GCN1: variants seen among roughly 807,000 people sequenced by gnomAD.
GCN1 encodes the protein stalled ribosome sensor GCN1.
In GCN1, 90 loss-of-function variants were observed where a neutral mutation model predicts 288.4. The ratio of observed to expected loss-of-function variants is 0.31; its 90% CI spans 0.26 to 0.37. The LOEUF (loss-of-function observed/expected upper bound fraction) is 0.37. Among genes scored for constraint, GCN1 ranks in the 10% least tolerant of loss-of-function variants. GCN1 has a pLI of 1.00. For synonymous variants in GCN1, 1,386 were observed against 1,420.2 expected, an observed-to-expected ratio of 0.98 and a Z score of 0.54; for missense variants, 2,586 against 3,419.9, an observed-to-expected ratio of 0.76 and a Z score of 6.08.
chr12:120,184,706 G>T, intron 3 of GCN1, 118 bp downstream of exon 3: 1 of 765,366 alleles, frequency 1.3e-6, no homozygotes, highest in Admixed American at 1.8e-5. Context: ...TGGCTAGGAT[G>T]TGACATAGCC....
chr12:120,174,329 C>T (rs2064203824), intron 12 of GCN1, among the ~76,000 whole-genome samples, 160 bp from the exon 13 acceptor site: 1 of 152,180 alleles, frequency 6.6e-6, no homozygotes, highest in South Asian at 2.1e-4. Context: ...TCAATGCCCC[C>T]TCTACACCTC....
Position 120,158,058 on chromosome 12 carries a change from C to G in GCN1, c.2906-28G>C. On this transcript the variant is annotated intron_variant, in intron 25 of 57. Transcript: ENST00000300648. The surrounding 1 kb of genome is among the most constrained non-coding windows in gnomAD (Gnocchi z 4.3). Reference sequence around the variant, plus strand: ...GTGAGAGCGAGAAGCAGATAAGATTCTGCAGGCAGGGCAGGGACCCGGGCC... The same window carrying G: ...GTGAGAGCGAGAAGCAGATAAGATTGTGCAGGCAGGGCAGGGACCCGGGCC... The G allele has an allele frequency of 1.2e-6, 2 of 1,609,772 alleles. No individual in the cohort carries two copies. The highest frequency in any genetic ancestry group is 1.7e-6 in the Non-Finnish European group (2 of 1,177,140).
At chr12:120,182,094 A>T (rs1878683147) in intron 5 of GCN1, among the ~76,000 whole-genome samples, 1 of 151,686 alleles carries the variant, frequency 6.6e-6, no homozygotes, top group Non-Finnish European at 1.5e-5. Context: ...GGTTGCAGTG[A>T]GCCGAGATTG....
At chr12:120,171,002 G>A (rs902570741) in intron 14 of GCN1, among the ~76,000 whole-genome samples, 1 of 151,768 alleles carries the variant, frequency 6.6e-6, no homozygotes, top group South Asian at 2.1e-4. Flanking sequence ...TTAGCCGGGT[G>A]GGGTGGTGCA....
Position 120,148,248 on chromosome 12 carries a change from C to T in GCN1, c.4645G>A (p.Asp1549Asn), listed in dbSNP as rs1256823096. 2 of 1,613,954 alleles carry T rather than the reference C, an allele frequency of 1.2e-6. No homozygotes were observed. The highest frequency in any genetic ancestry group is 2.2e-5 in the East Asian group (1 of 44,880). The change falls in exon 37 of 58, where the codon GAC becomes AAC. Residue 1549 changes from aspartate to asparagine, a missense_variant. Transcript: ENST00000300648. The part of the protein sequence containing the change: ...IVPKLTEVLT[D>N]SHVKVQKAGQ... ...GCCTTCTGGACTTTGACATGGGAGT[C>T]GGTCAGCACCTCCGTAAGCTTGGGC... is the stretch of plus-strand genomic sequence containing the variant.
At chr12:120,185,632 A>C (rs1271677504) in intron 2 of GCN1, among the ~76,000 whole-genome samples, 1 of 151,914 alleles carries the variant, frequency 6.6e-6, no homozygotes, top group African/African-American at 2.4e-5. Context: ...ACGGAGTCTC[A>C]CTCTATCGCC....
intron 57 of GCN1, among the ~76,000 whole-genome samples, chr12:120,128,422 G>A (rs1014571867): frequency 6.6e-6 from 1 of 151,318 alleles, no homozygotes; most frequent in Non-Finnish European, 1.5e-5. Flanking sequence ...CACAACCTCC[G>A]CCTCCCAGGT....
Position 120,138,707 on chromosome 12 carries a change from TA to T in GCN1, c.6143del (p.Leu2048TyrfsTer2). On this transcript the variant is annotated frameshift_variant, in exon 46 of 58. Coordinates refer to ENST00000300648, the MANE Select transcript of GCN1 (RefSeq NM_006836.2). LOFTEE classifies it high-confidence loss of function. ...HQALEDILPFLLKQLDDEEVS... is the reference protein window; with the variant it reads ...HQALEDILPFXLKQLDDEEVS... ...TAGATCCACTCACCAGCTGCTTTAG[TA>T]AAAATGGGAGAATGTCCTCCAGAGC... The T allele has an allele frequency of 6.2e-7, 1 of 1,613,640 alleles. No homozygotes were observed. Among genetic ancestry groups the T allele is most frequent in the Non-Finnish European group, 8.5e-7 (1 of 1,179,716 alleles).
chr12:120,182,673 C>T (rs1013225522), intron 5 of GCN1, among the ~76,000 whole-genome samples: 2 of 152,198 alleles, frequency 1.3e-5, no homozygotes, highest in African/African-American at 4.8e-5. Flanking sequence ...CAAAGTGGCT[C>T]ACACCTATAA....
chr12:120,159,894 C>T lies in GCN1; in HGVS notation c.2680G>A (p.Ala894Thr). 1 of 1,614,164 alleles carries T rather than the reference C, an allele frequency of 6.2e-7. No individual in the cohort carries two copies. Among genetic ancestry groups the T allele is most frequent in the East Asian group, 2.2e-5 (1 of 44,872 alleles). ...AAGAAGGGGTTCTTGATCCTGGGAG[C>T]AGCCAGGGGAGACTTCAGCAAGGGC... ...FLPLLKSPLAAPRIKNPFLSL... is the reference protein window; with the variant it reads ...FLPLLKSPLATPRIKNPFLSL... The change falls in exon 24 of 58, where the codon GCT becomes ACT. Residue 894 changes from alanine to threonine, a missense_variant. Around this residue, in one of 8 missense-constraint regions of GCN1, gnomAD observed 913 missense variants for 1,107.0 expected, o/e 0.82. Transcript: ENST00000300648.
intron 18 of GCN1, 83 bp from the exon 19 acceptor site, chr12:120,163,342 C>T (rs1441826645): frequency 3.6e-5 from 40 of 1,099,682 alleles, no homozygotes; most frequent in South Asian, 3.4e-4. Flanking sequence ...ACGGACACAG[C>T]GGCCCCTCAC....
rs1454340296 is a variant in GCN1 at position 120,165,048 on chromosome 12, TA to T, written c.1613-328del. On this transcript the variant is annotated intron_variant, in intron 16 of 57. Transcript: ENST00000300648. ...ACACACACACACACATATATATATA[TA>T]TATTTTTTTTTTTGAGAGACAGTCA... 1.1e-3 allele frequency among the ~76,000 whole-genome samples: 155 copies of T among 146,052 alleles called. 1 individual carries two copies. The highest frequency in any genetic ancestry group is 5.4e-3 in the East Asian group (26 of 4,820).
chr12:120,158,156 C>A lies in GCN1; in HGVS notation c.2906-126G>T. The A allele has an allele frequency of 1.1e-6, 1 of 877,034 alleles. No individual in the cohort carries two copies. Among genetic ancestry groups the A allele is most frequent in the African/African-American group, 1.7e-5 (1 of 59,542 alleles). 54.3% of individuals were successfully genotyped at this position (877,034 alleles called of 1,614,324 possible). On this transcript the variant is annotated intron_variant, in intron 25 of 57. Coordinates refer to ENST00000300648, the MANE Select transcript of GCN1 (RefSeq NM_006836.2). The surrounding 1 kb of genome is among the most constrained non-coding windows in gnomAD (Gnocchi z 4.3). The stretch of plus-strand genomic sequence containing the variant: ...AGAGGCCCGTTCTGACACCTGGAAG[C>A]ACATGGCACGAGGACAGAGACAGCA...
At chr12:120,190,239 A>G (rs550568056) in intron 2 of GCN1, 59 bp downstream of exon 2, 235 of 957,040 alleles carry the variant, frequency 2.5e-4, no homozygotes, top group African/African-American at 6.4e-4. Flanking sequence ...AAAAAAAAAA[A>G]AAAGAAAGAA....
At chr12:120,190,547 C>G (rs957301598) in intron 1 of GCN1, 147 bp from the exon 2 acceptor site, 1 of 614,520 alleles carries the variant, frequency 1.6e-6, no homozygotes, top group African/African-American at 1.9e-5. Flanking sequence ...CCGGGTAATT[C>G]TGGTTGTGGG....
intron 16 of GCN1, among the ~76,000 whole-genome samples, chr12:120,166,420 A>T (rs564112746): frequency 7.9e-4 from 112 of 141,026 alleles, no homozygotes; most frequent in African/African-American, 2.9e-3. Context: ...AAAAAAAAAA[A>T]AATGCCTGAT....
At position 120,144,810 on chromosome 12, in the gene GCN1, C is replaced by T. The variant is rs60836763; in HGVS notation, c.5181G>A (p.Leu1727=). The T allele has an allele frequency of 1.5e-3, 2,441 of 1,614,204 alleles. 45 individuals carry two copies. The African/African-American group carries it at 0.029, about 19-fold the overall frequency. ...AQGLAEVMAG[L]GVEKLEKLMP... is the part of the protein sequence containing the mutation. ...TCAACTTCTCCAACTTCTCCACCCC[C>T]AAACCGGCCATGACCTCAGCCAACC... The change falls in exon 41 of 58, where the codon TTG becomes TTA. Residue 1727 remains leucine (L), a synonymous_variant. Coordinates refer to ENST00000300648, the MANE Select transcript of GCN1 (RefSeq NM_006836.2). This position sits in a 1 kb window ranked among gnomAD's most constrained non-coding sequence, Gnocchi z 4.7.
At chr12:120,182,539 G>A (rs922872296) in intron 5 of GCN1, among the ~76,000 whole-genome samples, 3 of 152,142 alleles carry the variant, frequency 2.0e-5, no homozygotes, top group South Asian at 2.1e-4. Context: ...CTGGCTTTGC[G>A]ACAACTCTTT....
chr12:120,194,154 C>T (rs1427403551), intron 1 of GCN1, among the ~76,000 whole-genome samples: 2 of 152,216 alleles, frequency 1.3e-5, no homozygotes, highest in African/African-American at 4.8e-5. Context: ...ATTGTTTTAA[C>T]TTCATTTTAT....
Sources: gnomAD v4.1 joint callset for allele counts (sites outside exome capture counted in the v4.1 genomes callset) on GRCh38, gnomAD v4.1.1 for gene constraint, gnomAD v4.1.1 regional missense constraint, Gnocchi (gnomAD v3.1) non-coding constraint, MANE v1.5 for transcripts, NCBI Gene and HGNC (gene_info 2026-07-23, HGNC 2026-07-21) for gene names.